SLC9A9: variants seen among roughly 807,000 people sequenced by gnomAD.
SLC9A9 encodes the protein sodium/hydrogen exchanger 9.
Under a neutral mutation model 77.8 loss-of-function variants are expected in SLC9A9, and 62 were observed. The ratio of observed to expected loss-of-function variants is 0.80; its 90% confidence interval spans 0.65 to 0.98. The LOEUF (loss-of-function observed/expected upper bound fraction) is 0.98, where lower values mean the gene tolerates loss of function less well. Among genes scored for constraint, SLC9A9 ranks in the 50% least tolerant of loss-of-function variants. SLC9A9 has a pLI of 0.00. For synonymous variants in SLC9A9, 320 were observed against 283.5 expected, an observed-to-expected ratio of 1.13 and a Z score of -1.29; for missense variants, 775 against 774.9, an observed-to-expected ratio of 1.00 and a Z score of 0.00.
At position 143,466,961 on chromosome 3, in the gene SLC9A9, T is replaced by A. The variant is rs116528669; in HGVS notation, c.1469+76A>T. The A allele has an allele frequency of 8.0e-4, 1,241 of 1,547,820 alleles. 12 individuals are homozygous for A. The African/African-American group carries it at 0.015, about 19-fold the overall frequency. On this transcript the variant is annotated intron_variant, in intron 12 of 15. Transcript: ENST00000316549. ...TAGGACCTGCCACTGTACTATTGACTAAGTCAGCAATACCAGAAATTGAAC... is the reference window on the plus strand; with the variant it reads ...TAGGACCTGCCACTGTACTATTGACAAAGTCAGCAATACCAGAAATTGAAC...
rs746582477 is a variant in SLC9A9 at position 143,606,400 on chromosome 3, A to ATCTCTCTCTCTC, written c.756-27689_756-27678dup. Among the ~76,000 whole-genome samples the ATCTCTCTCTCTC allele has an allele frequency of 6.1e-3, 464 of 76,408 alleles. 6 individuals carry two copies. Among genetic ancestry groups the ATCTCTCTCTCTC allele is most frequent in the African/African-American group, 9.5e-3 (168 of 17,646 alleles). The allele number at this position is 76,408 out of a possible 152,430, so 50.1% of individuals were successfully genotyped here. On this transcript the variant is annotated intron_variant, in intron 6 of 15. Coordinates refer to ENST00000316549, the MANE Select transcript of SLC9A9 (RefSeq NM_173653.4). ...CACTTCAGACTGGGCGAAAGAGTGA[A>ATCTCTCTCTCTC]TCTCTCTCTCTCTCTCTCTCTCTCT...
intron 13 of SLC9A9, among the ~76,000 whole-genome samples, chr3:143,364,356 T>C (rs2108484846): frequency 6.6e-6 from 1 of 152,298 alleles, no homozygotes; most frequent in East Asian, 1.9e-4. Context: ...CAATCAGTTG[T>C]AATTATCCTT....
chr3:143,650,212 A>G (rs576496478), intron 6 of SLC9A9, among the ~76,000 whole-genome samples: 4 of 152,306 alleles, frequency 2.6e-5, no homozygotes, highest in African/African-American at 9.6e-5. Flanking sequence ...AGAAAAATGG[A>G]GATGCAATGT....
rs1354742009 is a variant in SLC9A9, at chr3:143,670,037, CA to C, written c.650-17678del. The stretch of plus-strand genomic sequence containing the variant: ...TCAAATGAGAAAAAGTAGATATTAT[CA>C]AGCAGAGAAATGTTAAAAACTCTTC... On this transcript the variant is annotated intron_variant, in intron 5 of 15. Transcript: ENST00000316549. Among the ~76,000 whole-genome samples, 4 of 152,228 alleles carry C rather than the reference CA, an allele frequency of 2.6e-5. No homozygotes were observed. The East Asian group carries it at 7.7e-4, about 29-fold the overall frequency.
At chr3:143,808,728 T>C (rs1362447062) in intron 2 of SLC9A9, among the ~76,000 whole-genome samples, 1 of 152,204 alleles carries the variant, frequency 6.6e-6, no homozygotes, top group African/African-American at 2.4e-5. Context: ...TGGACAGCTA[T>C]TTAACCTCTC....
At chr3:143,796,616 A>C (rs1460012300) in intron 3 of SLC9A9, among the ~76,000 whole-genome samples, 2 of 152,214 alleles carry the variant, frequency 1.3e-5, no homozygotes, top group Non-Finnish European at 2.9e-5. Context: ...AGAGCTCAAT[A>C]GTTACATGTG....
chr3:143,329,399 T>A (rs2031699047), intron 14 of SLC9A9, among the ~76,000 whole-genome samples: 1 of 152,168 alleles, frequency 6.6e-6, no homozygotes, highest in Admixed American at 6.5e-5. Flanking sequence ...CCCGTACAGG[T>A]AATTCTCCTT....
At chr3:143,826,959 G>A (rs147372663) in intron 2 of SLC9A9, among the ~76,000 whole-genome samples, 185 of 152,146 alleles carry the variant, frequency 1.2e-3, no homozygotes, top group African/African-American at 4.3e-3. Context: ...CATATGCTAT[G>A]TTTTTCTCTG....
intron 11 of SLC9A9, among the ~76,000 whole-genome samples, chr3:143,484,623 G>A (rs558184938): frequency 6.8e-6 from 1 of 146,590 alleles, no homozygotes; most frequent in East Asian, 1.9e-4. Flanking sequence ...CTGTGAACTG[G>A]ATGGGGGTCA....
At chr3:143,364,299 T>A (rs531518428) in intron 13 of SLC9A9, among the ~76,000 whole-genome samples, 2 of 152,160 alleles carry the variant, frequency 1.3e-5, no homozygotes, top group South Asian at 4.2e-4. Context: ...AAGGAGGGTA[T>A]CCAGTGGCGT....
chr3:143,324,439 G>A lies in SLC9A9; in HGVS notation c.1604+39045C>T, dbSNP rs541818102. Among the ~76,000 whole-genome samples the A allele has an allele frequency of 2.0e-5, 3 of 152,266 alleles. No individual in the cohort carries two copies. The South Asian group carries it at 6.2e-4, about 32-fold the overall frequency. On this transcript the variant is annotated intron_variant, in intron 14 of 15. Coordinates refer to ENST00000316549, the MANE Select transcript of SLC9A9 (RefSeq NM_173653.4). ...ACCTAGGACAAGTTCCTTAATCTCTGGAAGCAGCGTGTGCCTAGGGCTGAG... is the reference window on the plus strand; with the variant it reads ...ACCTAGGACAAGTTCCTTAATCTCTAGAAGCAGCGTGTGCCTAGGGCTGAG...
chr3:143,364,175 G>A (rs1282155533), intron 13 of SLC9A9, among the ~76,000 whole-genome samples: 1 of 151,608 alleles, frequency 6.6e-6, no homozygotes. Flanking sequence ...GACAAAAGAG[G>A]AAGAGAAAGT....
chr3:143,639,038 C>A (rs1463888186), intron 6 of SLC9A9, among the ~76,000 whole-genome samples: 3 of 152,192 alleles, frequency 2.0e-5, no homozygotes, highest in Non-Finnish European at 2.9e-5. Context: ...AAATAAAAGA[C>A]ATTTTCTTGG....
At chr3:143,685,468 A>C (rs1933233244) in intron 5 of SLC9A9, among the ~76,000 whole-genome samples, 1 of 152,158 alleles carries the variant, frequency 6.6e-6, no homozygotes, top group Non-Finnish European at 1.5e-5. Flanking sequence ...CTGAATTAAT[A>C]ATTATTTTCT....
At chr3:143,588,497 T>C (rs549561065) in intron 6 of SLC9A9, among the ~76,000 whole-genome samples, 81 of 152,338 alleles carry the variant, frequency 5.3e-4, no homozygotes, top group African/African-American at 1.9e-3. Context: ...TCTGGTCCAT[T>C]AAGTTCCAAC....
chr3:143,796,714 A>G (rs2008394877), intron 3 of SLC9A9, 112 bp downstream of exon 3: 1 of 712,558 alleles, frequency 1.4e-6, no homozygotes, highest in Non-Finnish European at 2.3e-6. Flanking sequence ...CAAATTTAAG[A>G]TAATGATACT....
At chr3:143,808,458 C>G (rs1263156497) in intron 2 of SLC9A9, among the ~76,000 whole-genome samples, 1 of 152,164 alleles carries the variant, frequency 6.6e-6, no homozygotes. Flanking sequence ...TGATTCTGGG[C>G]TCTTAGTACA....
At chr3:143,368,397 A>G (rs1179933634) in intron 13 of SLC9A9, among the ~76,000 whole-genome samples, 1 of 152,248 alleles carries the variant, frequency 6.6e-6, no homozygotes, top group Non-Finnish European at 1.5e-5. Flanking sequence ...ATGAAAAAGA[A>G]CTAGGCAAAT....
intron 12 of SLC9A9, among the ~76,000 whole-genome samples, chr3:143,451,880 T>G (rs2035014342): frequency 1.3e-5 from 2 of 152,060 alleles, no homozygotes; most frequent in Admixed American, 1.3e-4. Context: ...TACATACAAT[T>G]AGTAATATAT....
Sources: allele counts gnomAD v4.1 joint callset (sites outside exome capture counted in the v4.1 genomes callset), GRCh38; gene constraint gnomAD v4.1.1; transcripts MANE v1.5; gene names NCBI Gene and HGNC (gene_info 2026-07-23, HGNC 2026-07-21).